The following MC4R variants were observed in gnomAD, a reference collection of about 807,000 sequenced individuals.
MC4R encodes the protein melanocortin receptor 4.
A neutral mutation model predicts 16.1 loss-of-function variants in MC4R; 15 were observed. That is an observed-to-expected ratio of 0.93 (90% CI 0.62 to 1.44). The LOEUF (loss-of-function observed/expected upper bound fraction) is 1.44, where lower values mean the gene tolerates loss of function less well. Among genes scored for constraint, MC4R ranks in the 40% most tolerant of loss-of-function variants. MC4R has a pLI of 0.00. For missense variants in MC4R, 416 were observed against 411.4 expected, an observed-to-expected ratio of 1.01 and a Z score of -0.10; for synonymous variants, 162 against 151.7, an observed-to-expected ratio of 1.07 and a Z score of -0.50.
Position 60,371,284 on chromosome 18 carries a change from T to C in MC4R, c.*67A>G. The C allele has an allele frequency of 6.7e-7, 1 of 1,490,612 alleles. No homozygotes were observed. Among genetic ancestry groups the C allele is most frequent in the Non-Finnish European group, 9.3e-7 (1 of 1,070,868 alleles). The allele number at this position is 1,490,612 out of a possible 1,614,324, so 92.3% of individuals were successfully genotyped here. On this transcript the variant is annotated 3_prime_UTR_variant, in exon 1 of 1. Coordinates refer to ENST00000299766, the MANE Select transcript of MC4R (RefSeq NM_005912.3). ...AGAGAAAGCTGTTGCAGAAGTACAATATTCAGGTAGGGTAAGAGTGAAAAA... is the reference window on the plus strand; with the variant it reads ...AGAGAAAGCTGTTGCAGAAGTACAACATTCAGGTAGGGTAAGAGTGAAAAA...
chr18:60,372,367 A>G lies in MC4R; in HGVS notation c.-18T>C, dbSNP rs886054077. 1.9e-6 allele frequency: 3 copies of G among 1,613,628 alleles called. No homozygotes were observed. In the South Asian group the frequency reaches 3.3e-5, roughly 18 times the overall value. ...TTCACCATGCTGGCAGGAGAATTCC[A>G]GTGTCCCCCTGAATTGATTTAACCT... On this transcript the variant is annotated 5_prime_UTR_variant, in exon 1 of 1. Transcript: ENST00000299766.
chr18:60,371,285 A>G lies in MC4R; in HGVS notation c.*66T>C. On this transcript the variant is annotated 3_prime_UTR_variant, in exon 1 of 1. Coordinates refer to ENST00000299766, the MANE Select transcript of MC4R (RefSeq NM_005912.3). ...GAGAAAGCTGTTGCAGAAGTACAAT[A>G]TTCAGGTAGGGTAAGAGTGAAAAAG... is the stretch of plus-strand genomic sequence containing the variant. 6.7e-7 allele frequency: 1 copy of G among 1,497,062 alleles called. No individual in the cohort carries two copies. Among genetic ancestry groups the G allele is most frequent in the Non-Finnish European group, 9.3e-7 (1 of 1,076,672 alleles). 92.7% of individuals were successfully genotyped at this position (1,497,062 alleles called of 1,614,324 possible).
rs1368643838 is a variant in MC4R, at chr18:60,372,111, T to C, written c.239A>G (p.Tyr80Cys). The change falls in exon 1 of 1, where the codon TAC becomes TGC. Residue 80 changes from tyrosine to cysteine, a missense_variant. Coordinates refer to ENST00000299766, the MANE Select transcript of MC4R (RefSeq NM_005912.3). ...AKNKNLHSPM[Y>C]FFICSLAVAD... ...CACAGCCAAGCTGCAGATGAAAAAG[T>C]ACATGGGTGAATGCAGATTCTTGTT... 14 of 1,614,122 alleles carry C rather than the reference T, an allele frequency of 8.7e-6. No individual in the cohort carries two copies. Among genetic ancestry groups the C allele is most frequent in the Non-Finnish European group, 1.2e-5 (14 of 1,180,050 alleles).
Position 60,372,314 on chromosome 18 carries a change from A to G in MC4R, c.36T>C (p.Ser12=). 1 of 1,614,228 alleles carries G rather than the reference A, an allele frequency of 6.2e-7. No individual in the cohort carries two copies. Among genetic ancestry groups the G allele is most frequent in the Non-Finnish European group, 8.5e-7 (1 of 1,180,038 alleles). Residue 12 remains serine (S), a synonymous_variant, in exon 1 of 1, where the codon TCT becomes TCC. Transcript: ENST00000299766. ...VNSTHRGMHT[S]LHLWNRSSYR... ...AACTGCTGCGGTTCCAGAGGTGCAG[A>G]GAAGTGTGCATCCCACGGTGGGTGG...
Position 60,372,226 on chromosome 18 carries a change from C to T in MC4R, c.124G>A (p.Glu42Lys), listed in dbSNP as rs776051881. ...ACCTCAGGAGAGACAAAAAGTTGCT[C>T]GTAGCACCCTCCATCAGAGTAGCCT... ...GKGYSDGGCYEQLFVSPEVFV... is the reference protein window; with the variant it reads ...GKGYSDGGCYKQLFVSPEVFV... Residue 42 changes from glutamate (E) to lysine (K), a missense_variant, in exon 1 of 1, where the codon GAG becomes AAG. Glu to Lys is a moderately conservative substitution (Grantham distance 56). Coordinates refer to ENST00000299766, the MANE Select transcript of MC4R (RefSeq NM_005912.3). 2.2e-5 allele frequency: 35 copies of T among 1,614,092 alleles called. No individual in the cohort carries two copies. The highest frequency in any genetic ancestry group is 1.6e-4 in the Middle Eastern group (1 of 6,084).
In MC4R at chr18:60,372,281, CA is replaced by C; in HGVS notation, c.68del (p.Leu23ArgfsTer30). On this transcript the variant is annotated frameshift_variant, in exon 1 of 1. Coordinates refer to ENST00000299766, the MANE Select transcript of MC4R (RefSeq NM_005912.3). LOFTEE classifies it high-confidence loss of function. ...LHLWNRSSYR[L>X]HSNASESLGK... ...CAAGGGACTCACTGGCATTGCTGTG[CA>C]GTCTGTAACTGCTGCGGTTCCAGAG... The C allele has an allele frequency of 6.2e-7, 1 of 1,614,222 alleles. No individual in the cohort carries two copies. The highest frequency in any genetic ancestry group is 8.5e-7 in the Non-Finnish European group (1 of 1,180,028).
Position 60,372,297 on chromosome 18 carries a change from C to A in MC4R, c.53G>T (p.Arg18Leu), listed in dbSNP as rs780671601. The change falls in exon 1 of 1, where the codon CGC (arginine) becomes CTC (leucine). Residue 18 changes from arginine (R) to leucine (L), a missense_variant. By Grantham distance (102) the Arg-to-Leu change is moderately radical (BLOSUM62 -2). Transcript: ENST00000299766. ...GMHTSLHLWN[R>L]SSYRLHSNAS... ...ATTGCTGTGCAGTCTGTAACTGCTG[C>A]GGTTCCAGAGGTGCAGAGAAGTGTG... 49 of 1,614,086 alleles carry A rather than the reference C, an allele frequency of 3.0e-5. No individual in the cohort carries two copies. The highest frequency in any genetic ancestry group is 3.7e-5 in the Non-Finnish European group (44 of 1,180,052).
chr18:60,371,346 C>T lies in MC4R; in HGVS notation c.*5G>A, dbSNP rs1568178435. 1 of 1,613,954 alleles carries T rather than the reference C, an allele frequency of 6.2e-7. No homozygotes were observed. ...ATGTTCCTATATTGCGTGCTCTGTC[C>T]CCATTTAATATCTGCTAGACAAGTC... On this transcript the variant is annotated 3_prime_UTR_variant, in exon 1 of 1. Transcript: ENST00000299766.
Position 60,372,502 on chromosome 18 carries a change from T to A in MC4R, c.-153A>T, listed in dbSNP as rs954069626. Reference sequence around the variant, plus strand: ...TGAGTAAATGTCACAAGTCCAGAGCTTGACATGGAGTTTTTAGTCTCTTTT... The same window carrying A: ...TGAGTAAATGTCACAAGTCCAGAGCATGACATGGAGTTTTTAGTCTCTTTT... On this transcript the variant is annotated 5_prime_UTR_variant, in exon 1 of 1. It adds an upstream start codon to the 5' untranslated region. Transcript: ENST00000299766. The A allele has an allele frequency of 1.3e-6, 1 of 779,152 alleles. No individual in the cohort carries two copies. The allele number at this position is 779,152 out of a possible 1,614,324, so 48.3% of individuals were successfully genotyped here. A position where few individuals can be genotyped will look rare whatever the true frequency, so the allele number is the denominator to read the frequency against.
rs1915355549 is a variant in MC4R at position 60,372,005 on chromosome 18, C to G, written c.345G>C (p.Gln115His). 1 of 1,614,162 alleles carries G rather than the reference C, an allele frequency of 6.2e-7. No homozygotes were observed. Among genetic ancestry groups the G allele is most frequent in the Non-Finnish European group, 8.5e-7 (1 of 1,180,038 alleles). Residue 115 changes from glutamine to histidine, a missense_variant, in exon 1 of 1, where the codon CAG (glutamine) becomes CAC (histidine). Gln to His is a conservative substitution (Grantham distance 24). Coordinates refer to ENST00000299766, the MANE Select transcript of MC4R (RefSeq NM_005912.3). ...TLLNSTDTDA[Q>H]SFTVNIDNVI... ...CATTATCAATATTCACTGTGAAACT[C>G]TGTGCATCCGTATCTGTACTGTTTA...
At position 60,371,215 on chromosome 18, in the gene MC4R, T is replaced by C; in HGVS notation, c.*136A>G. ...TTTTTTCTCATTAAAAATCATAGGC[T>C]TAAATTTACACAATGGATATTCTCA... On this transcript the variant is annotated 3_prime_UTR_variant, in exon 1 of 1. Coordinates refer to ENST00000299766, the MANE Select transcript of MC4R (RefSeq NM_005912.3). 1 of 942,834 alleles carries C rather than the reference T, an allele frequency of 1.1e-6. No individual in the cohort carries two copies. Among genetic ancestry groups the C allele is most frequent in the Non-Finnish European group, 1.7e-6 (1 of 599,096 alleles). The allele number at this position is 942,834 out of a possible 1,614,324, so 58.4% of individuals were successfully genotyped here. A position where few individuals can be genotyped will look rare whatever the true frequency, so the allele number is the denominator to read the frequency against.
rs753796542 is a variant in MC4R, at chr18:60,372,331, G to T, written c.19C>A (p.Arg7Ser). The T allele has an allele frequency of 6.2e-7, 1 of 1,614,086 alleles. No homozygotes were observed. The highest frequency in any genetic ancestry group is 1.1e-5 in the South Asian group (1 of 91,074). MVNSTH[R>S]GMHTSLHLWN... The stretch of plus-strand genomic sequence containing the variant: ...AGGTGCAGAGAAGTGTGCATCCCAC[G>T]GTGGGTGGAGTTCACCATGCTGGCA... The change falls in exon 1 of 1, where the codon CGT becomes AGT. Residue 7 changes from arginine (R) to serine (S), a missense_variant. Coordinates refer to ENST00000299766, the MANE Select transcript of MC4R (RefSeq NM_005912.3).
rs1915330978 is a variant in MC4R, at chr18:60,371,324, T to C, written c.*27A>G. ...AGAGTGAAAAAGTCTCTTATGCATG[T>C]TCCTATATTGCGTGCTCTGTCCCCA... On this transcript the variant is annotated 3_prime_UTR_variant, in exon 1 of 1. Coordinates refer to ENST00000299766, the MANE Select transcript of MC4R (RefSeq NM_005912.3). 3.1e-6 allele frequency: 5 copies of C among 1,613,166 alleles called. No individual in the cohort carries two copies. Among genetic ancestry groups the C allele is most frequent in the Non-Finnish European group, 4.2e-6 (5 of 1,179,386 alleles).
chr18:60,372,247 A>G lies in MC4R; in HGVS notation c.103T>C (p.Tyr35His), dbSNP rs1181535625. The change falls in exon 1 of 1, where the codon TAC becomes CAC. Residue 35 changes from tyrosine (Y) to histidine (H), a missense_variant. Physicochemically the swap from Tyr to His is moderately conservative, Grantham distance 83. Coordinates refer to ENST00000299766, the MANE Select transcript of MC4R (RefSeq NM_005912.3). ...TGCTCGTAGCACCCTCCATCAGAGT[A>G]GCCTTTTCCAAGGGACTCACTGGCA... ...SNASESLGKGYSDGGCYEQLF... is the reference protein window; with the variant it reads ...SNASESLGKGHSDGGCYEQLF... 1.2e-6 allele frequency: 2 copies of G among 1,614,102 alleles called. No homozygotes were observed. The highest frequency in any genetic ancestry group is 2.7e-5 in the African/African-American group (2 of 74,930).
chr18:60,372,297 C>T lies in MC4R; in HGVS notation c.53G>A (p.Arg18His), dbSNP rs780671601. The T allele has an allele frequency of 6.8e-6, 11 of 1,614,086 alleles. No individual in the cohort carries two copies. Among genetic ancestry groups the T allele is most frequent in the African/African-American group, 5.3e-5 (4 of 74,930 alleles). The stretch of plus-strand genomic sequence containing the variant: ...ATTGCTGTGCAGTCTGTAACTGCTG[C>T]GGTTCCAGAGGTGCAGAGAAGTGTG... ...GMHTSLHLWN[R>H]SSYRLHSNAS... is the part of the protein sequence containing the mutation. The change falls in exon 1 of 1, where the codon CGC becomes CAC. Residue 18 changes from arginine to histidine, a missense_variant. By Grantham distance (29) the Arg-to-His change is conservative. Transcript: ENST00000299766.
In MC4R at chr18:60,372,588, T is replaced by A. The variant is rs1426904221; in HGVS notation, c.-239A>T. 3 of 575,092 alleles carry A rather than the reference T, an allele frequency of 5.2e-6. No homozygotes were observed. Among genetic ancestry groups the A allele is most frequent in the Non-Finnish European group, 9.6e-6 (3 of 313,024 alleles). 35.6% of individuals were successfully genotyped at this position (575,092 alleles called of 1,614,324 possible). A position where few individuals can be genotyped will look rare whatever the true frequency, so the allele number is the denominator to read the frequency against. On this transcript the variant is annotated 5_prime_UTR_variant, in exon 1 of 1. Transcript: ENST00000299766. ...GGGCTTCAAAATATTCATTCTCAGT[T>A]GAAAGAGTCTGCTCTTTGCTTTCTT...
rs148026669 is a variant in MC4R, at chr18:60,371,660, G to A, written c.690C>T (p.Pro230=). 16 of 1,614,142 alleles carry A rather than the reference G, an allele frequency of 9.9e-6. No homozygotes were observed. The highest frequency in any genetic ancestry group is 6.7e-5 in the African/African-American group (5 of 75,036). Residue 230 remains proline (P), a synonymous_variant, in exon 1 of 1, where the codon CCC becomes CCT. Coordinates refer to ENST00000299766, the MANE Select transcript of MC4R (RefSeq NM_005912.3). The stretch of plus-strand genomic sequence containing the variant: ...CACCTTGGCGGATGGCACCAGTGCC[G>A]GGGAGGACAGCAATCCTCTTAATGT... The part of the protein sequence containing the change: ...RLHIKRIAVL[P]GTGAIRQGAN...
At position 60,371,194 on chromosome 18, in the gene MC4R, T is replaced by C; in HGVS notation, c.*157A>G. The C allele has an allele frequency of 1.3e-6, 1 of 785,886 alleles. No individual in the cohort carries two copies. Among genetic ancestry groups the C allele is most frequent in the Non-Finnish European group, 2.1e-6 (1 of 480,790 alleles). The allele number at this position is 785,886 out of a possible 1,614,324, so 48.7% of individuals were successfully genotyped here. A position where few individuals can be genotyped will look rare whatever the true frequency, so the allele number is the denominator to read the frequency against. ...AAATAATACAGAGACTGGGCATTTT[T>C]TCTCATTAAAAATCATAGGCTTAAA... On this transcript the variant is annotated 3_prime_UTR_variant, in exon 1 of 1. Coordinates refer to ENST00000299766, the MANE Select transcript of MC4R (RefSeq NM_005912.3).
rs1380965800 is a variant in MC4R at position 60,371,943 on chromosome 18, G to A, written c.407C>T (p.Ser136Phe). The A allele has an allele frequency of 1.2e-6, 2 of 1,613,980 alleles. No homozygotes were observed. The highest frequency in any genetic ancestry group is 1.3e-5 in the African/African-American group (1 of 74,900). The change falls in exon 1 of 1, where the codon TCC (serine) becomes TTC (phenylalanine). Residue 136 changes from serine to phenylalanine, a missense_variant. By Grantham distance (155) the Ser-to-Phe change is radical. Coordinates refer to ENST00000299766, the MANE Select transcript of MC4R (RefSeq NM_005912.3). ...TGCAATTGAAAGCAGGCTGCAAATG[G>A]ATGCAAGCAAGGAGCTACAGATCAC... is the stretch of plus-strand genomic sequence containing the variant. ...DSVICSSLLA[S>F]ICSLLSIAVD...
Sources: gnomAD v4.1 joint callset for allele counts on GRCh38, gnomAD v4.1.1 for gene constraint, MANE v1.5 for transcripts, NCBI Gene and HGNC (gene_info 2026-07-23, HGNC 2026-07-21) for gene names.